Variants in PDE3A observed in about 807,000 individuals in gnomAD.
PDE3A encodes the protein cGMP-inhibited 3',5'-cyclic phosphodiesterase 3A.
A neutral mutation model predicts 98.3 loss-of-function variants in PDE3A; 43 were observed. The observed-to-expected ratio is 0.44, with a 90% CI of 0.34 to 0.56. PDE3A has a LOEUF of 0.56. Ranked by LOEUF, PDE3A falls within the 20% of genes least tolerant of loss-of-function variation. The pLI, the probability that PDE3A is intolerant of heterozygous loss-of-function variation, is 0.01. For synonymous variants in PDE3A, 663 were observed against 567.9 expected (o/e 1.17, Z -2.38); for missense variants, 1,427 against 1,440.7 (o/e 0.99, Z 0.15).
chr12:20,528,870 A>G (rs903984298), intron 1 of PDE3A, among the ~76,000 whole-genome samples: 3 of 152,164 alleles, frequency 2.0e-5, no homozygotes, highest in Non-Finnish European at 1.5e-5. Context: ...ATTTACAGAG[A>G]ATAGACTCTA....
chr12:20,506,256 A>G (rs1375809231), intron 1 of PDE3A, among the ~76,000 whole-genome samples: 1 of 152,016 alleles, frequency 6.6e-6, no homozygotes, highest in Non-Finnish European at 1.5e-5. Context: ...GAAAATTAAC[A>G]CTTCAGATTG....
rs970825952 is a variant in PDE3A at position 20,369,219 on chromosome 12, G to A, written c.-66G>A. On this transcript the variant is annotated 5_prime_UTR_variant, in exon 1 of 16. Coordinates refer to ENST00000359062, the MANE Select transcript of PDE3A (RefSeq NM_000921.5). ...TGTGTGTGTGTGTGTGTGCGCGCGC[G>A]CGCGTGGGTCGGGGCGGGGGCGTCG... The A allele has an allele frequency of 1.6e-6, 2 of 1,222,172 alleles. No homozygotes were observed. The highest frequency in any genetic ancestry group is 1.1e-6 in the Non-Finnish European group (1 of 893,460). The allele number at this position is 1,222,172 out of a possible 1,614,324, so 75.7% of individuals were successfully genotyped here. A position where few individuals can be genotyped will look rare whatever the true frequency, so the allele number is the denominator to read the frequency against.
At position 20,400,379 on chromosome 12, in the gene PDE3A, G is replaced by GTTTTTTTTTTT. The variant is rs75851941; in HGVS notation, c.960+30170_960+30180dup. ...AGCTCATGTTGACTCGTTAACATTGGTTTTTTTTTTTTTTTTTTTTTTTTT... is the reference window on the plus strand; with the variant it reads ...AGCTCATGTTGACTCGTTAACATTGGTTTTTTTTTTTTTTTTTTTTTTTTTTTTTTTTTTTT... On this transcript the variant is annotated intron_variant, in intron 1 of 15. Transcript: ENST00000359062. Among the ~76,000 whole-genome samples, 53 of 110,256 alleles carry GTTTTTTTTTTT rather than the reference G, an allele frequency of 4.8e-4. 2 individuals carry two copies. Among genetic ancestry groups the GTTTTTTTTTTT allele is most frequent in the Non-Finnish European group, 6.3e-4 (36 of 57,386 alleles). The allele number at this position is 110,256 out of a possible 152,430, so 72.3% of individuals were successfully genotyped here. A position where few individuals can be genotyped will look rare whatever the true frequency, so the allele number is the denominator to read the frequency against.
intron 2 of PDE3A, among the ~76,000 whole-genome samples, chr12:20,590,884 G>T (rs191708365): frequency 2.0e-5 from 3 of 152,272 alleles, no homozygotes; most frequent in Admixed American, 2.0e-4. Flanking sequence ...GTTTCTCCAA[G>T]AATAAACCTT....
intron 15 of PDE3A, among the ~76,000 whole-genome samples, chr12:20,666,091 C>T (rs890475812): frequency 7.2e-5 from 11 of 151,760 alleles, no homozygotes; most frequent in Admixed American, 2.6e-4. Context: ...CCTCAGCCCC[C>T]CAAGTAGCTA....
In PDE3A at chr12:20,369,717, T is replaced by C. The variant is rs1353268583; in HGVS notation, c.433T>C (p.Trp145Arg). Residue 145 changes from tryptophan to arginine, a missense_variant, in exon 1 of 16, where the codon TGG becomes CGG. This residue lies in a region of PDE3A where 1,012 missense variants were observed against 886.5 expected (regional missense o/e 1.14). Coordinates refer to ENST00000359062, the MANE Select transcript of PDE3A (RefSeq NM_000921.5). Reference protein sequence around the residue: ...LLFSLLCAFFWMGLYLLRAGV... With the variant: ...LLFSLLCAFFRMGLYLLRAGV... ...CTTCAGTCTCCTGTGTGCCTTCTTCTGGATGGGCTTGTACCTCCTGCGCGC... is the reference window on the plus strand; with the variant it reads ...CTTCAGTCTCCTGTGTGCCTTCTTCCGGATGGGCTTGTACCTCCTGCGCGC... The C allele has an allele frequency of 6.2e-7, 1 of 1,612,300 alleles. No individual in the cohort carries two copies. The highest frequency in any genetic ancestry group is 8.5e-7 in the Non-Finnish European group (1 of 1,179,756).
chr12:20,586,232 A>ATGAT (rs1943194339), intron 2 of PDE3A, among the ~76,000 whole-genome samples: 1 of 152,210 alleles, frequency 6.6e-6, no homozygotes. Flanking sequence ...TGAGATGGAA[A>ATGAT]TGATTGGGAA....
At chr12:20,678,984 A>C (rs2120485904) in intron 15 of PDE3A, among the ~76,000 whole-genome samples, 1 of 152,348 alleles carries the variant, frequency 6.6e-6, no homozygotes, top group South Asian at 2.1e-4. Flanking sequence ...AAAAGGAAAA[A>C]ATAAAAACAG....
At chr12:20,518,352 T>C (rs543078464) in intron 1 of PDE3A, among the ~76,000 whole-genome samples, 3 of 152,156 alleles carry the variant, frequency 2.0e-5, no homozygotes, top group Admixed American at 2.0e-4. Flanking sequence ...GCTATGACAA[T>C]GACTGAACTT....
Position 20,552,731 on chromosome 12 carries a change from T to G in PDE3A, c.961-3929T>G. ...CTGTGGAATGAGGTCCTGGCGTCAC[T>G]CAAGGACCGGCCGGCGAGCGGCAGC... On this transcript the variant is annotated intron_variant, in intron 1 of 15. Transcript: ENST00000359062. This position sits in a 1 kb window ranked among gnomAD's most constrained non-coding sequence, Gnocchi z 5.1. The G allele has an allele frequency of 6.2e-7, 1 of 1,613,990 alleles. No homozygotes were observed. Among genetic ancestry groups the G allele is most frequent in the South Asian group, 1.1e-5 (1 of 91,086 alleles).
At chr12:20,578,319 G>T (rs1343398498) in intron 2 of PDE3A, among the ~76,000 whole-genome samples, 2 of 152,070 alleles carry the variant, frequency 1.3e-5, no homozygotes, top group Admixed American at 6.6e-5. Flanking sequence ...CCATACTTTG[G>T]CTAGGGCTCT....
chr12:20,602,804 A>G (rs1450892638), intron 2 of PDE3A, among the ~76,000 whole-genome samples: 2 of 152,330 alleles, frequency 1.3e-5, no homozygotes, highest in African/African-American at 2.4e-5. Flanking sequence ...TCAGCCTACA[A>G]TGAGTTACTG....
chr12:20,632,423 G>A lies in PDE3A; in HGVS notation c.1761-1270G>A, dbSNP rs1045745490. Among the ~76,000 whole-genome samples, 4 of 152,024 alleles carry A rather than the reference G, an allele frequency of 2.6e-5. No homozygotes were observed. In the South Asian group the frequency reaches 8.3e-4, roughly 32 times the overall value. ...TCACTACTTTTTTCATTTTAGAGTG[G>A]GTAGTCTGTGGTTAAATAACAAACA... is the stretch of plus-strand genomic sequence containing the variant. On this transcript the variant is annotated intron_variant, in intron 6 of 15. Transcript: ENST00000359062.
At chr12:20,592,603 G>A (rs1458991968) in intron 2 of PDE3A, among the ~76,000 whole-genome samples, 6 of 152,118 alleles carry the variant, frequency 3.9e-5, no homozygotes, top group Admixed American at 2.0e-4. Context: ...AATAAGCAGC[G>A]GGCCTGTAGT....
intron 15 of PDE3A, among the ~76,000 whole-genome samples, chr12:20,674,470 C>A (rs1457510318): frequency 6.6e-6 from 1 of 152,032 alleles, no homozygotes; most frequent in Non-Finnish European, 1.5e-5. Context: ...CATGTTCCTT[C>A]CTAGTATTTT....
chr12:20,393,458 G>C (rs1314188452), intron 1 of PDE3A, among the ~76,000 whole-genome samples: 2 of 151,942 alleles, frequency 1.3e-5, no homozygotes, highest in South Asian at 4.1e-4. Flanking sequence ...AATTATGGGA[G>C]GTACAATTCA....
intron 1 of PDE3A, among the ~76,000 whole-genome samples, chr12:20,433,462 T>C (rs1162178640): frequency 2.0e-5 from 3 of 152,134 alleles, no homozygotes; most frequent in South Asian, 2.1e-4. Flanking sequence ...ATGTATTATC[T>C]TGGGTACTGC....
intron 15 of PDE3A, among the ~76,000 whole-genome samples, chr12:20,667,167 C>T (rs1172209241): frequency 6.6e-6 from 1 of 151,970 alleles, no homozygotes. Flanking sequence ...CTTGTATATT[C>T]TGGATATTAG....
At chr12:20,617,644 A>G (rs10770678) in intron 4 of PDE3A, among the ~76,000 whole-genome samples, 149,194 of 152,228 alleles carry the variant, frequency 0.98, 73,162 homozygotes, top group Non-Finnish European at 1. Context: ...TGTTTTCAGC[A>G]TGTATCATTA....
Sources: allele counts gnomAD v4.1 joint callset (sites outside exome capture counted in the v4.1 genomes callset), GRCh38; gene constraint gnomAD v4.1.1; regional missense constraint gnomAD v4.1.1; non-coding constraint Gnocchi (gnomAD v3.1); transcripts MANE v1.5; gene names NCBI Gene and HGNC (gene_info 2026-07-23, HGNC 2026-07-21).